Variants in LCOR observed in about 807,000 individuals in gnomAD.
LCOR encodes ligand dependent nuclear receptor corepressor.
A neutral mutation model predicts 64.4 loss-of-function variants in LCOR; 14 were observed. The observed-to-expected ratio is 0.22, with a 90% confidence interval of 0.14 to 0.34. The LOEUF is 0.34. Ranked by LOEUF, LCOR falls within the 10% of genes least tolerant of loss-of-function variation. The pLI is 1.00. For missense variants in LCOR, 1,686 were observed against 1,765.3 expected (o/e 0.96, Z 0.80); for synonymous variants, 643 against 642.5 (o/e 1.00, Z -0.01).
intron 7 of LCOR, chr10:96,958,975 T>C (rs1564639134): frequency 2.0e-5 from 3 of 150,062 alleles, no homozygotes; most frequent in East Asian, 2.0e-4. Context: ...TACCTTATTA[T>C]AGGTTTTGTA....
chr10:96,876,055 A>G (rs1031910574), intron 2 of LCOR, among the ~76,000 whole-genome samples: 3 of 151,636 alleles, frequency 2.0e-5, no homozygotes, highest in South Asian at 4.2e-4. Context: ...AACATAGACA[A>G]TTTTTTCCCC....
intron 7 of LCOR, among the ~76,000 whole-genome samples, chr10:96,971,883 C>G (rs947827551): frequency 6.6e-6 from 1 of 152,074 alleles, no homozygotes; most frequent in South Asian, 2.1e-4. Context: ...GGCCTTATAA[C>G]TCTTACGTCT....
At chr10:96,964,995 T>G (rs1000902725) in intron 7 of LCOR, among the ~76,000 whole-genome samples, 2 of 152,030 alleles carry the variant, frequency 1.3e-5, no homozygotes, top group Non-Finnish European at 2.9e-5. Context: ...GAGTATATGT[T>G]GCTCAACATT....
chr10:96,944,348 T>C (rs1847550398), intron 5 of LCOR, 103 bp downstream of exon 5: 2 of 614,354 alleles, frequency 3.3e-6, no homozygotes, highest in Non-Finnish European at 4.1e-6. Context: ...ACATTTTTCT[T>C]TATTGATATA....
chr10:96,890,030 G>A (rs2134431033), intron 2 of LCOR, among the ~76,000 whole-genome samples: 1 of 152,272 alleles, frequency 6.6e-6, no homozygotes, highest in South Asian at 2.1e-4. Context: ...CACCAGCAAT[G>A]TGTGAGGGCT....
At chr10:96,888,607 G>T (rs1324093864) in intron 2 of LCOR, among the ~76,000 whole-genome samples, 1 of 152,004 alleles carries the variant, frequency 6.6e-6, no homozygotes, top group Admixed American at 6.6e-5. Context: ...CAGTAATGAT[G>T]TTACAAATAA....
At chr10:96,845,412 A>G (rs1249816939) in intron 2 of LCOR, among the ~76,000 whole-genome samples, 6 of 145,494 alleles carry the variant, frequency 4.1e-5, no homozygotes, top group Non-Finnish European at 9.0e-5. Flanking sequence ...TCTAGTAAAG[A>G]AGCTGACAAA....
intron 4 of LCOR, among the ~76,000 whole-genome samples, chr10:96,934,559 C>T (rs540699277): frequency 5.3e-5 from 8 of 152,286 alleles, no homozygotes; most frequent in Admixed American, 5.2e-4. Flanking sequence ...AAGGAAGCAA[C>T]TCCTCCTAGG....
At chr10:96,835,041 C>CA in intron 2 of LCOR, among the ~76,000 whole-genome samples, 1 of 152,306 alleles carries the variant, frequency 6.6e-6, no homozygotes, top group East Asian at 1.9e-4. Context: ...GCTGGGACTA[C>CA]AGGCGTGCGC....
At chr10:96,868,606 TTAAGA>T (rs1474230798) in intron 2 of LCOR, among the ~76,000 whole-genome samples, 1 of 152,150 alleles carries the variant, frequency 6.6e-6, no homozygotes, top group Non-Finnish European at 1.5e-5. Context: ...CATCAAATTC[TTAAGA>T]TAAAGGACTG....
chr10:96,833,845 A>G (rs926968000), intron 2 of LCOR, among the ~76,000 whole-genome samples: 3 of 151,998 alleles, frequency 2.0e-5, no homozygotes, highest in African/African-American at 7.3e-5. Flanking sequence ...TCATGCGGTG[A>G]GAAGTTCTCT....
rs1226844361 is a variant in LCOR at position 96,916,177 on chromosome 10, G to A, written c.-184+8430G>A. Among the ~76,000 whole-genome samples, 3 of 152,084 alleles carry A rather than the reference G, an allele frequency of 2.0e-5. No homozygotes were observed. In the East Asian group the frequency reaches 5.8e-4, roughly 30 times the overall value. On this transcript the variant is annotated intron_variant, in intron 4 of 7. Coordinates refer to ENST00000421806, the MANE Select transcript of LCOR (RefSeq NM_001346516.2). ...CTCCTGAGTAGCTGGGACTACAGGT[G>A]CCCGCCACCACTCCCGTCTAACTTT...
intron 2 of LCOR, among the ~76,000 whole-genome samples, chr10:96,897,054 A>G (rs1846549222): frequency 9.4e-6 from 1 of 106,742 alleles, no homozygotes; most frequent in Non-Finnish European, 1.9e-5. Flanking sequence ...CCAAGGAATG[A>G]GAGAGAGAGA....
At chr10:96,836,943 AGCT>A (rs1201867146) in intron 2 of LCOR, among the ~76,000 whole-genome samples, 3 of 151,796 alleles carry the variant, frequency 2.0e-5, no homozygotes, top group Non-Finnish European at 4.4e-5. Context: ...GAGGAATGGT[AGCT>A]TTAGTTAAGG....
At chr10:96,883,110 C>T (rs867329864) in intron 2 of LCOR, among the ~76,000 whole-genome samples, 54 of 152,278 alleles carry the variant, frequency 3.5e-4, no homozygotes, top group African/African-American at 1.2e-3. Context: ...GATCTTGGCT[C>T]GCTGCAACCC....
chr10:96,859,175 CG>C (rs1031132973), intron 2 of LCOR, among the ~76,000 whole-genome samples: 2 of 152,020 alleles, frequency 1.3e-5, no homozygotes, highest in African/African-American at 4.8e-5. Flanking sequence ...TTCTTTCCAT[CG>C]GTAAGCATTT....
chr10:96,947,862 C>T (rs556114226), intron 5 of LCOR, among the ~76,000 whole-genome samples: 50 of 151,658 alleles, frequency 3.3e-4, no homozygotes, highest in African/African-American at 1.1e-3. Context: ...AAACACATTT[C>T]CCTCATTTTA....
chr10:96,945,519 G>C (rs906791757), intron 5 of LCOR, among the ~76,000 whole-genome samples: 3 of 152,068 alleles, frequency 2.0e-5, no homozygotes, highest in African/African-American at 7.2e-5. Flanking sequence ...AGTCTCCTAT[G>C]TCTTATTATC....
intron 2 of LCOR, among the ~76,000 whole-genome samples, chr10:96,875,001 G>C (rs934080556): frequency 6.6e-6 from 1 of 151,760 alleles, no homozygotes; most frequent in Non-Finnish European, 1.5e-5. Flanking sequence ...ATCTTTTCTT[G>C]GAAGCAGAAT....
Sources: gnomAD v4.1 joint callset for allele counts (sites outside exome capture counted in the v4.1 genomes callset) on GRCh38, gnomAD v4.1.1 for gene constraint, MANE v1.5 for transcripts, NCBI Gene and HGNC (gene_info 2026-07-23, HGNC 2026-07-21) for gene names.